The following ZNF423 variants were observed in gnomAD, a reference collection of about 807,000 sequenced individuals.
ZNF423 encodes the protein zinc finger protein 423.
Under a neutral mutation model 95.8 loss-of-function variants are expected in ZNF423, and 12 were observed. The observed-to-expected ratio is 0.13, with a 90% CI of 0.08 to 0.20. The LOEUF (loss-of-function observed/expected upper bound fraction) is 0.20, where lower values mean the gene tolerates loss of function less well. Ranked by LOEUF, ZNF423 falls within the 10% of genes least tolerant of loss-of-function variation. ZNF423 has a pLI of 1.00. For synonymous variants in ZNF423, 749 were observed against 711.9 expected (o/e 1.05, Z -0.83); for missense variants, 1,316 against 1,737.1 (o/e 0.76, Z 4.31).
chr16:49,815,881 A>AAT lies in ZNF423; in HGVS notation c.41-26337_41-26336dup, dbSNP rs1169322824. ...TAATTCCAAACAAACAAAAAAAAAA[A>AAT]ATATATATATATATATATATATATA... On this transcript the variant is annotated intron_variant, in intron 1 of 7. Coordinates refer to ENST00000563137, the MANE Select transcript of ZNF423 (RefSeq NM_001379286.1). 8.3e-3 allele frequency among the ~76,000 whole-genome samples: 396 copies of AAT among 47,574 alleles called. 8 individuals carry two copies. The highest frequency in any genetic ancestry group is 0.012 in the Non-Finnish European group (325 of 28,236). 31.2% of individuals were successfully genotyped at this position (47,574 alleles called of 152,430 possible). A position where few individuals can be genotyped will look rare whatever the true frequency, so the allele number is the denominator to read the frequency against.
At chr16:49,812,377 A>T (rs2034766936) in intron 1 of ZNF423, among the ~76,000 whole-genome samples, 1 of 152,198 alleles carries the variant, frequency 6.6e-6, no homozygotes. Context: ...GAGAGAGGGC[A>T]TAGTCAACGC....
chr16:49,759,314 G>T (rs868329898), intron 2 of ZNF423, among the ~76,000 whole-genome samples: 3 of 151,940 alleles, frequency 2.0e-5, no homozygotes, highest in Non-Finnish European at 4.4e-5. Context: ...CAGGAGAATC[G>T]CTTGAACCCG....
intron 7 of ZNF423, among the ~76,000 whole-genome samples, chr16:49,510,888 G>A (rs1292623236): frequency 6.6e-6 from 1 of 152,234 alleles, no homozygotes; most frequent in Non-Finnish European, 1.5e-5. Context: ...GCTCCTGGCA[G>A]CTCCCCCGTG....
chr16:49,725,708 C>T (rs1396707713), intron 3 of ZNF423, among the ~76,000 whole-genome samples: 1 of 152,184 alleles, frequency 6.6e-6, no homozygotes, highest in Non-Finnish European at 1.5e-5. Context: ...CCCATAGTGC[C>T]TCGCGGGCAG....
chr16:49,718,757 C>T (rs2032780689), intron 3 of ZNF423, among the ~76,000 whole-genome samples: 1 of 152,284 alleles, frequency 6.6e-6, no homozygotes. Context: ...GTGGAAGGAG[C>T]TGGGCAGTCC....
Position 49,621,673 on chromosome 16 carries a change from G to A in ZNF423, c.3601+4497C>T, listed in dbSNP as rs111362027. ...AAGGGGGACTTTTACCCCCGTCAGC[G>A]GCAGGGCAGCCACTCTGGGCTCAGA... On this transcript the variant is annotated intron_variant, in intron 5 of 7. Transcript: ENST00000563137. Among the ~76,000 whole-genome samples the A allele has an allele frequency of 6.1e-3, 928 of 152,272 alleles. 7 individuals are homozygous for A. Among genetic ancestry groups the A allele is most frequent in the Non-Finnish European group, 0.01 (698 of 68,006 alleles).
At chr16:49,762,000 A>C (rs553937969) in intron 2 of ZNF423, among the ~76,000 whole-genome samples, 1 of 151,992 alleles carries the variant, frequency 6.6e-6, no homozygotes, top group African/African-American at 2.4e-5. Context: ...ATTGTAGATA[A>C]GATGTCTCAC....
At chr16:49,822,815 AC>A in intron 1 of ZNF423, 1 of 1,123,368 alleles carries the variant, frequency 8.9e-7, no homozygotes, top group Non-Finnish European at 1.2e-6. Context: ...ACACTTGTAT[AC>A]CCATTTGACA....
intron 5 of ZNF423, among the ~76,000 whole-genome samples, chr16:49,533,715 C>T (rs1419628716): frequency 3.3e-5 from 5 of 152,212 alleles, no homozygotes; most frequent in South Asian, 2.1e-4. Flanking sequence ...CCAGGCTGCG[C>T]GGAGGAGAAT....
At chr16:49,522,605 C>T (rs961438048) in intron 7 of ZNF423, among the ~76,000 whole-genome samples, 1 of 152,116 alleles carries the variant, frequency 6.6e-6, no homozygotes, top group African/African-American at 2.4e-5. Context: ...TGTGACATTT[C>T]GGCATGTCCG....
At chr16:49,783,642 G>C (rs2034256715) in intron 2 of ZNF423, among the ~76,000 whole-genome samples, 1 of 151,582 alleles carries the variant, frequency 6.6e-6, no homozygotes, top group Non-Finnish European at 1.5e-5. Context: ...GGGGGTTAGG[G>C]TTAGGGCTAG....
At chr16:49,827,651 G>A (rs973487397) in intron 1 of ZNF423, among the ~76,000 whole-genome samples, 6 of 152,146 alleles carry the variant, frequency 3.9e-5, no homozygotes, top group African/African-American at 1.4e-4. Flanking sequence ...GAGTAGCTGG[G>A]ACTACAGGCA....
chr16:49,562,925 C>T (rs939120479), intron 5 of ZNF423, among the ~76,000 whole-genome samples: 2 of 151,988 alleles, frequency 1.3e-5, no homozygotes, highest in Admixed American at 6.6e-5. Flanking sequence ...ACTACAGGCA[C>T]GAAACGAGCC....
intron 2 of ZNF423, among the ~76,000 whole-genome samples, chr16:49,756,399 CATCTT>C (rs1567328818): frequency 1.3e-5 from 2 of 152,146 alleles, no homozygotes; most frequent in Non-Finnish European, 2.9e-5. Context: ...ACAAAATACA[CATCTT>C]AGAATGAAAA....
At chr16:49,503,109 T>C (rs1456191105) in intron 7 of ZNF423, among the ~76,000 whole-genome samples, 1 of 151,722 alleles carries the variant, frequency 6.6e-6, no homozygotes, top group Non-Finnish European at 1.5e-5. Context: ...ACTAACCATG[T>C]AGTGCTAAGC....
chr16:49,814,288 G>A lies in ZNF423; in HGVS notation c.41-24742C>T, dbSNP rs191469621. On this transcript the variant is annotated intron_variant, in intron 1 of 7. Transcript: ENST00000563137. The stretch of plus-strand genomic sequence containing the variant: ...GCCTTCCCGTGGGCTCTGGGGGGTG[G>A]GGGGATGACATCCCCGACATGTCCT... 1.1e-4 allele frequency among the ~76,000 whole-genome samples: 17 copies of A among 152,144 alleles called. No individual in the cohort carries two copies. The East Asian group carries it at 3.3e-3, about 30-fold the overall frequency.
intron 3 of ZNF423, among the ~76,000 whole-genome samples, chr16:49,676,476 A>G (rs559885526): frequency 1.6e-4 from 25 of 152,314 alleles, no homozygotes; most frequent in African/African-American, 5.8e-4. Context: ...TAAATCAGAC[A>G]CATGGCCTTC....
At chr16:49,817,880 C>T (rs985507795) in intron 1 of ZNF423, among the ~76,000 whole-genome samples, 1 of 152,092 alleles carries the variant, frequency 6.6e-6, no homozygotes, top group African/African-American at 2.4e-5. Context: ...GAGGTTAAGA[C>T]ACCATTTCAG....
intron 2 of ZNF423, among the ~76,000 whole-genome samples, chr16:49,771,206 T>TTTTTTTCTTTTTTTTTTTTA (rs2034028888): frequency 7.0e-6 from 1 of 143,232 alleles, no homozygotes; most frequent in Non-Finnish European, 1.5e-5. Context: ...TTTTTTTTTT[T>TTTTTTTCTTTTTTTTTTTTA]TTTTTTGAGA....
Sources: gnomAD v4.1 joint callset for allele counts (sites outside exome capture counted in the v4.1 genomes callset) on GRCh38, gnomAD v4.1.1 for gene constraint, MANE v1.5 for transcripts, NCBI Gene and HGNC (gene_info 2026-07-23, HGNC 2026-07-21) for gene names.